The following MARCHF4 variants were observed in gnomAD, a reference collection of about 807,000 sequenced individuals.
The protein encoded by MARCHF4 is membrane associated ring-CH-type finger 4.
A neutral mutation model predicts 43.9 loss-of-function variants in MARCHF4; 14 were observed. The ratio of observed to expected loss-of-function variants is 0.32; its 90% CI spans 0.21 to 0.50. MARCHF4 has a LOEUF of 0.50. MARCHF4 is among the 20% of genes least tolerant of loss of function. MARCHF4 has a pLI of 0.98. For missense variants in MARCHF4, 468 were observed against 536.7 expected (o/e 0.87, Z 1.27); for synonymous variants, 226 against 213.3 (o/e 1.06, Z -0.52).
chr2:216,363,123 T>C (rs2105985619), intron 1 of MARCHF4, among the ~76,000 whole-genome samples: 1 of 152,282 alleles, frequency 6.6e-6, no homozygotes, highest in East Asian at 1.9e-4. Flanking sequence ...GTATCTCTCC[T>C]TTTTCTCTCC....
intron 1 of MARCHF4, among the ~76,000 whole-genome samples, chr2:216,363,131 T>A (rs1342725634): frequency 6.6e-6 from 1 of 152,148 alleles, no homozygotes; most frequent in Non-Finnish European, 1.5e-5. Context: ...CCTTTTTCTC[T>A]CCCAGCCTCT....
intron 1 of MARCHF4, among the ~76,000 whole-genome samples, chr2:216,292,516 A>C (rs1439267700): frequency 6.6e-6 from 1 of 152,230 alleles, no homozygotes; most frequent in Non-Finnish European, 1.5e-5. Flanking sequence ...ATGACAGAGA[A>C]AGTAGGAATT....
chr2:216,284,892 G>A (rs59683647), intron 1 of MARCHF4, among the ~76,000 whole-genome samples: 13,822 of 152,106 alleles, frequency 0.091, 841 homozygotes, highest in African/African-American at 0.17. Flanking sequence ...AAGATGATTC[G>A]AATGCCGCCT....
chr2:216,318,759 G>A (rs1019485609), intron 1 of MARCHF4, among the ~76,000 whole-genome samples: 1 of 152,076 alleles, frequency 6.6e-6, no homozygotes, highest in Non-Finnish European at 1.5e-5. Flanking sequence ...GGGACTTTGG[G>A]TTAACACACA....
intron 1 of MARCHF4, among the ~76,000 whole-genome samples, chr2:216,349,715 A>G (rs983575846): frequency 1.3e-5 from 2 of 152,134 alleles, no homozygotes; most frequent in Non-Finnish European, 2.9e-5. Context: ...GTCTATATGG[A>G]GATGCAGGCA....
chr2:216,350,834 G>A (rs1692395417), intron 1 of MARCHF4, among the ~76,000 whole-genome samples: 2 of 152,168 alleles, frequency 1.3e-5, no homozygotes, highest in South Asian at 2.1e-4. Flanking sequence ...TTATTGAGAC[G>A]GAACCATATT....
At chr2:216,341,745 C>T (rs139608902) in intron 1 of MARCHF4, among the ~76,000 whole-genome samples, 1 of 152,252 alleles carries the variant, frequency 6.6e-6, no homozygotes, top group East Asian at 1.9e-4. Context: ...CCATCAGCCA[C>T]CAAGTAGCAC....
chr2:216,316,290 C>A (rs1691774717), intron 1 of MARCHF4, among the ~76,000 whole-genome samples: 1 of 152,208 alleles, frequency 6.6e-6, no homozygotes. Context: ...AGCAGCCTTC[C>A]TGCTGAGAAC....
At chr2:216,341,485 A>T (rs1692234449) in intron 1 of MARCHF4, among the ~76,000 whole-genome samples, 1 of 152,130 alleles carries the variant, frequency 6.6e-6, no homozygotes, top group Non-Finnish European at 1.5e-5. Context: ...AGCATCTGGG[A>T]GGGCCCTCTT....
At chr2:216,266,271 T>C (rs112110141) in intron 3 of MARCHF4, 3 of 152,286 alleles carry the variant, frequency 2.0e-5, no homozygotes, top group Admixed American at 6.5e-5. Context: ...CCCTTCCTCA[T>C]AGGGTTGTTT....
intron 3 of MARCHF4, among the ~76,000 whole-genome samples, chr2:216,270,255 T>C (rs1690914215): frequency 6.6e-6 from 1 of 152,156 alleles, no homozygotes. Context: ...TTTTAAATTT[T>C]TGTAGAGATG....
intron 1 of MARCHF4, among the ~76,000 whole-genome samples, chr2:216,347,038 G>A (rs72944651): frequency 2.7e-4 from 41 of 152,316 alleles, no homozygotes; most frequent in Non-Finnish European, 4.7e-4. Context: ...ATGTAAGGAT[G>A]TGCCTGCTTC....
chr2:216,363,667 T>A (rs1014497384), intron 1 of MARCHF4, among the ~76,000 whole-genome samples: 5 of 152,168 alleles, frequency 3.3e-5, no homozygotes, highest in Non-Finnish European at 7.3e-5. Flanking sequence ...TGGTTTTGTA[T>A]CCTTGGGTCC....
chr2:216,320,641 TTC>T (rs1691868984), intron 1 of MARCHF4, among the ~76,000 whole-genome samples: 1 of 116,936 alleles, frequency 8.6e-6, no homozygotes, highest in Non-Finnish European at 1.7e-5. Flanking sequence ...CTTTCTTTCT[TTC>T]TTTCTTTCTT....
intron 3 of MARCHF4, among the ~76,000 whole-genome samples, chr2:216,264,716 A>T (rs1389391043): frequency 6.6e-6 from 1 of 152,244 alleles, no homozygotes; most frequent in Non-Finnish European, 1.5e-5. Flanking sequence ...ATTCTCAATT[A>T]GCTTCTTGAT....
At chr2:216,316,373 C>T (rs1449660568) in intron 1 of MARCHF4, among the ~76,000 whole-genome samples, 1 of 152,152 alleles carries the variant, frequency 6.6e-6, no homozygotes, top group Non-Finnish European at 1.5e-5. Context: ...GCCCTATCTT[C>T]CTCCTAGTCC....
At chr2:216,360,817 A>AT (rs983847126) in intron 1 of MARCHF4, among the ~76,000 whole-genome samples, 2 of 151,654 alleles carry the variant, frequency 1.3e-5, no homozygotes, top group African/African-American at 2.4e-5. Context: ...CCCTGGTGGG[A>AT]TTTTTTTTGC....
chr2:216,361,478 A>G (rs934381186), intron 1 of MARCHF4, among the ~76,000 whole-genome samples: 3 of 152,186 alleles, frequency 2.0e-5, no homozygotes, highest in Admixed American at 2.0e-4. Context: ...GTCTGCATGC[A>G]TGGTCTGCCC....
At position 216,283,557 on chromosome 2, in the gene MARCHF4, G is replaced by A; in HGVS notation, c.672+17C>T. 1 of 1,571,850 alleles carries A rather than the reference G, an allele frequency of 6.4e-7. No individual in the cohort carries two copies. Among genetic ancestry groups the A allele is most frequent in the Non-Finnish European group, 8.7e-7 (1 of 1,148,882 alleles). ...GCCCCAGGCCCAGCAACCCCACCAGGCAGCCCTGGGTTGTACCTGCAGAGG... is the reference window on the plus strand; with the variant it reads ...GCCCCAGGCCCAGCAACCCCACCAGACAGCCCTGGGTTGTACCTGCAGAGG... On this transcript the variant is annotated intron_variant, in intron 2 of 3. Transcript: ENST00000273067.
Sources: allele counts gnomAD v4.1 joint callset (sites outside exome capture counted in the v4.1 genomes callset), GRCh38; gene constraint gnomAD v4.1.1; transcripts MANE v1.5; gene names NCBI Gene and HGNC (gene_info 2026-07-23, HGNC 2026-07-21).